The following CDH18 variants were observed in gnomAD, a reference collection of about 807,000 sequenced individuals.
CDH18 encodes cadherin 18.
A neutral mutation model predicts 67.9 loss-of-function variants in CDH18; 31 were observed. The ratio of observed to expected loss-of-function variants is 0.46; its 90% CI spans 0.34 to 0.62. The LOEUF (loss-of-function observed/expected upper bound fraction) is 0.62, where lower values mean the gene tolerates loss of function less well. CDH18 is among the 20% of genes least tolerant of loss of function. The pLI is 0.01. For synonymous variants in CDH18, 362 were observed against 347.2 expected (o/e 1.04, Z -0.48); for missense variants, 890 against 975.5 (o/e 0.91, Z 1.17).
chr5:20,019,981 G>C (rs1341038826), intron 2 of CDH18, among the ~76,000 whole-genome samples: 1 of 152,170 alleles, frequency 6.6e-6, no homozygotes, highest in East Asian at 1.9e-4. Context: ...GTCTCAGATA[G>C]AGATGAGGAC....
chr5:20,121,653 T>C lies in CDH18; in HGVS notation c.-517-129639A>G, dbSNP rs113987481. ...TAAAAAACATGAAAAGCTATAGTTT[T>C]CTCTTCCTGTTACATGAGGCTAATA... is the stretch of plus-strand genomic sequence containing the variant. On this transcript the variant is annotated intron_variant, in intron 2 of 14. Coordinates refer to the CDH18 transcript ENST00000507958. Among the ~76,000 whole-genome samples, 904 of 152,288 alleles carry C rather than the reference T, an allele frequency of 5.9e-3. 12 individuals are homozygous for C. Among genetic ancestry groups the C allele is most frequent in the African/African-American group, 0.021 (869 of 41,564 alleles).
At chr5:20,193,411 C>A (rs1183925263) in intron 2 of CDH18, among the ~76,000 whole-genome samples, 1 of 151,910 alleles carries the variant, frequency 6.6e-6, no homozygotes, top group Non-Finnish European at 1.5e-5. Context: ...CTGAATAGAA[C>A]AATAACAAAT....
intron 2 of CDH18, among the ~76,000 whole-genome samples, chr5:20,005,022 T>A (rs1033292653): frequency 3.3e-5 from 5 of 152,198 alleles, no homozygotes; most frequent in African/African-American, 1.2e-4. Context: ...AGAATCCCTG[T>A]GATTGAGGGA....
intron 2 of CDH18, among the ~76,000 whole-genome samples, chr5:19,997,175 G>T (rs559085995): frequency 1.3e-5 from 2 of 152,136 alleles, no homozygotes; most frequent in East Asian, 1.9e-4. Flanking sequence ...AGAAACTGAT[G>T]AATGGAAAAA....
intron 2 of CDH18, among the ~76,000 whole-genome samples, chr5:19,935,513 A>G (rs1794142238): frequency 6.6e-6 from 1 of 151,254 alleles, no homozygotes; most frequent in Non-Finnish European, 1.5e-5. Context: ...GTACAGGAAC[A>G]TGCTGTACAT....
At chr5:19,607,209 T>C (rs1748191533) in intron 6 of CDH18, among the ~76,000 whole-genome samples, 1 of 151,406 alleles carries the variant, frequency 6.6e-6, no homozygotes, top group African/African-American at 2.4e-5. Context: ...AAACAATAAT[T>C]CTAGAAGGAA....
intron 2 of CDH18, among the ~76,000 whole-genome samples, chr5:20,057,012 A>C (rs572891733): frequency 6.6e-6 from 1 of 152,186 alleles, no homozygotes; most frequent in African/African-American, 2.4e-5. Flanking sequence ...AGAATCTATA[A>C]AAGTACCTAC....
intron 2 of CDH18, among the ~76,000 whole-genome samples, chr5:20,107,782 T>C (rs1747094625): frequency 6.6e-6 from 1 of 152,064 alleles, no homozygotes; most frequent in East Asian, 1.9e-4. Flanking sequence ...ATTATTATTA[T>C]ACTTTAAGTT....
At chr5:20,290,708 C>G (rs530385119) in intron 1 of CDH18, among the ~76,000 whole-genome samples, 4 of 152,220 alleles carry the variant, frequency 2.6e-5, no homozygotes, top group Admixed American at 1.3e-4. Flanking sequence ...ATGTTCAAAG[C>G]CATGACAGCA....
intron 5 of CDH18, among the ~76,000 whole-genome samples, chr5:19,692,120 A>T (rs980362902): frequency 6.6e-6 from 1 of 152,050 alleles, no homozygotes; most frequent in Non-Finnish European, 1.5e-5. Context: ...TACCAAGAAC[A>T]CTGATAGAGG....
At chr5:20,468,364 G>A (rs1486289302) in intron 1 of CDH18, among the ~76,000 whole-genome samples, 1 of 152,010 alleles carries the variant, frequency 6.6e-6, no homozygotes. Context: ...CCTCCAGTTG[G>A]CATATAAGGA....
intron 1 of CDH18, among the ~76,000 whole-genome samples, chr5:20,354,746 A>C (rs1741470360): frequency 6.6e-6 from 1 of 152,162 alleles, no homozygotes; most frequent in African/African-American, 2.4e-5. Flanking sequence ...CCTTCAGCAA[A>C]GAATCAGAAA....
intron 1 of CDH18, among the ~76,000 whole-genome samples, chr5:19,983,422 C>T (rs1349643647): frequency 6.6e-6 from 1 of 152,146 alleles, no homozygotes; most frequent in Non-Finnish European, 1.5e-5. Flanking sequence ...GTCTGCACAT[C>T]TTCAATTTAT....
rs117914696 is a variant in CDH18 at position 19,690,689 on chromosome 5, T to C, written c.643+30658A>G. On this transcript the variant is annotated intron_variant, in intron 5 of 12. Coordinates refer to ENST00000382275, the MANE Select transcript of CDH18 (RefSeq NM_004934.5). The stretch of plus-strand genomic sequence containing the variant: ...AAATAGAAAAACTAGAGAAAATAGA[T>C]AAATTTCTGGACACATACAACCTAC... 3.0e-4 allele frequency among the ~76,000 whole-genome samples: 46 copies of C among 151,612 alleles called. 1 individual carries two copies. In the East Asian group the frequency reaches 7.6e-3, roughly 25 times the overall value.
intron 5 of CDH18, among the ~76,000 whole-genome samples, chr5:19,705,910 G>C (rs4126015): frequency 6.6e-6 from 1 of 152,108 alleles, no homozygotes; most frequent in Admixed American, 6.5e-5. Context: ...AACTAATTGG[G>C]TTCTCCCTAA....
intron 5 of CDH18, among the ~76,000 whole-genome samples, chr5:19,628,537 C>T (rs1751907107): frequency 6.6e-6 from 1 of 151,836 alleles, no homozygotes; most frequent in South Asian, 2.1e-4. Flanking sequence ...GGTAGGGTTT[C>T]CTGATGTCAT....
At chr5:20,516,019 T>C (rs932765196) in intron 1 of CDH18, among the ~76,000 whole-genome samples, 1 of 152,044 alleles carries the variant, frequency 6.6e-6, no homozygotes, top group Admixed American at 6.6e-5. Flanking sequence ...ATTAGGCCTT[T>C]AATGTAATGG....
intron 1 of CDH18, among the ~76,000 whole-genome samples, chr5:20,471,531 G>A (rs1006062678): frequency 6.6e-6 from 1 of 152,062 alleles, no homozygotes; most frequent in Non-Finnish European, 1.5e-5. Flanking sequence ...GCAGGGCACG[G>A]TGGCTCACAC....
At chr5:20,218,003 T>A (rs1272840420) in intron 2 of CDH18, among the ~76,000 whole-genome samples, 2 of 151,870 alleles carry the variant, frequency 1.3e-5, no homozygotes. Context: ...TACCCCACAC[T>A]GAAGCACCCA....
Sources: gnomAD v4.1 joint callset for allele counts (sites outside exome capture counted in the v4.1 genomes callset) on GRCh38, gnomAD v4.1.1 for gene constraint, MANE v1.5 for transcripts, NCBI Gene and HGNC (gene_info 2026-07-23, HGNC 2026-07-21) for gene names.